CEP128: variants seen among roughly 807,000 people sequenced by gnomAD.
The protein encoded by CEP128 is centrosomal protein 128kDa.
In CEP128, 132 loss-of-function variants were observed where a neutral mutation model predicts 156.7. The observed-to-expected ratio is 0.84, with a 90% CI of 0.73 to 0.97. The LOEUF (loss-of-function observed/expected upper bound fraction) is 0.97. Ranked by LOEUF, CEP128 falls within the 50% of genes least tolerant of loss-of-function variation. The pLI is 0.00. For missense variants in CEP128, 1,252 were observed against 1,281.9 expected (o/e 0.98, Z 0.36); for synonymous variants, 469 against 448.9 (o/e 1.04, Z -0.57).
chr14:80,867,956 C>T (rs1264385492), intron 8 of CEP128, among the ~76,000 whole-genome samples: 1 of 151,988 alleles, frequency 6.6e-6, no homozygotes, highest in Non-Finnish European at 1.5e-5. Context: ...ATGCCGAAAG[C>T]AGCATGAGAG....
upstream of CEP128, among the ~76,000 whole-genome samples, chr14:80,943,763 G>C (rs1433989718): frequency 6.6e-6 from 1 of 152,186 alleles, no homozygotes; most frequent in Non-Finnish European, 1.5e-5. Flanking sequence ...GGAGGCTGAG[G>C]TGGGTGGATC....
chr14:80,769,312 G>A (rs1900396621), intron 16 of CEP128, among the ~76,000 whole-genome samples: 1 of 150,230 alleles, frequency 6.7e-6, no homozygotes, highest in African/African-American at 2.5e-5. Context: ...AAGTTCTAGG[G>A]TACATGTGCA....
chr14:80,704,411 T>C (rs904023820), intron 19 of CEP128, among the ~76,000 whole-genome samples: 24 of 152,056 alleles, frequency 1.6e-4, no homozygotes, highest in African/African-American at 5.8e-4. Context: ...GAGTGTAAAA[T>C]GAATGAAATG....
chr14:80,823,015 T>C (rs530251369), intron 13 of CEP128, among the ~76,000 whole-genome samples: 4 of 152,344 alleles, frequency 2.6e-5, no homozygotes, highest in Non-Finnish European at 5.9e-5. Context: ...CTTTCCCTTC[T>C]GGTTTTGAGA....
intron 19 of CEP128, among the ~76,000 whole-genome samples, chr14:80,706,427 G>A (rs886387509): frequency 2.0e-5 from 3 of 151,944 alleles, no homozygotes; most frequent in African/African-American, 4.8e-5. Context: ...GTACTCGTGT[G>A]TGTGTGTGTG....
chr14:80,754,668 T>C (rs1278829073), intron 18 of CEP128, among the ~76,000 whole-genome samples: 2 of 151,908 alleles, frequency 1.3e-5, no homozygotes, highest in Non-Finnish European at 2.9e-5. Context: ...TTCACCGTGT[T>C]AGCTAGGATG....
chr14:80,726,903 G>A (rs78025276), intron 19 of CEP128, among the ~76,000 whole-genome samples: 9,073 of 152,188 alleles, frequency 0.06, 323 homozygotes, highest in Middle Eastern at 0.099. Context: ...TTGAGAACTG[G>A]AAATTTTAAA....
intron 17 of CEP128, among the ~76,000 whole-genome samples, chr14:80,759,787 T>C (rs1467738457): frequency 1.3e-5 from 2 of 152,030 alleles, no homozygotes; most frequent in African/African-American, 4.8e-5. Context: ...GAAGGATAAT[T>C]TGTGACTCAT....
intron 19 of CEP128, among the ~76,000 whole-genome samples, chr14:80,695,916 G>A (rs570646417): frequency 5.1e-4 from 77 of 152,036 alleles, no homozygotes; most frequent in African/African-American, 1.8e-3. Flanking sequence ...TTTTAAGCAG[G>A]GGTAAACATC....
chr14:80,787,642 C>G (rs1416227833), intron 14 of CEP128, among the ~76,000 whole-genome samples: 1 of 151,986 alleles, frequency 6.6e-6, no homozygotes, highest in Non-Finnish European at 1.5e-5. Context: ...CAAATTTGGG[C>G]TGTAAAGATA....
At chr14:80,486,359 T>C (rs897737991), downstream of CEP128, among the ~76,000 whole-genome samples, 1 of 151,936 alleles carries the variant, frequency 6.6e-6, no homozygotes, top group Non-Finnish European at 1.5e-5. Context: ...CCAAGAAATA[T>C]GGGACTATGT....
In CEP128 at chr14:80,939,467, C is replaced by T. The variant is rs965660523; in HGVS notation, c.-98G>A. 1 of 152,312 alleles carries T rather than the reference C, an allele frequency of 6.6e-6. No homozygotes were observed. Among genetic ancestry groups the T allele is most frequent in the South Asian group, 2.1e-4 (1 of 4,824 alleles). 9.4% of individuals were successfully genotyped at this position (152,312 alleles called of 1,614,324 possible). ...CACATATGTCTGCCTCCTATCATTT[C>T]TTCATGAGGTTCAGGGCAAAGGGCC... On this transcript the variant is annotated 5_prime_UTR_variant, in exon 2 of 25. Transcript: ENST00000555265.
intron 19 of CEP128, among the ~76,000 whole-genome samples, chr14:80,734,973 C>T (rs1159699988): frequency 6.6e-6 from 1 of 151,566 alleles, no homozygotes; most frequent in Non-Finnish European, 1.5e-5. Flanking sequence ...CAAGCAGTTT[C>T]TGTGTTCCAT....
intron 19 of CEP128, among the ~76,000 whole-genome samples, chr14:80,612,069 AAAT>A (rs1893015042): frequency 6.6e-6 from 1 of 152,144 alleles, no homozygotes; most frequent in African/African-American, 2.4e-5. Flanking sequence ...AAAAAATAAA[AAAT>A]AAATAAATAA....
intron 22 of CEP128, among the ~76,000 whole-genome samples, chr14:80,528,699 C>T (rs1379987202): frequency 6.6e-6 from 1 of 152,210 alleles, no homozygotes; most frequent in African/African-American, 2.4e-5. Context: ...ATGGTACTAT[C>T]AAGAAATACG....
intron 2 of CEP128, among the ~76,000 whole-genome samples, chr14:80,923,594 G>A (rs1469191110): frequency 6.6e-6 from 1 of 152,200 alleles, no homozygotes; most frequent in African/African-American, 2.4e-5. Context: ...TTAAGTAGGT[G>A]ATTGCTTCTG....
rs766895052 is a variant in CEP128 at position 80,761,581 on chromosome 14, T to G, written c.2409A>C (p.Leu803Phe). 3.1e-6 allele frequency: 5 copies of G among 1,610,106 alleles called. No homozygotes were observed. In the Admixed American group the frequency reaches 8.4e-5, roughly 27 times the overall value. Residue 803 changes from leucine (L) to phenylalanine (F), a missense_variant, in exon 17 of 25, where the codon TTA becomes TTC. Leu to Phe is a conservative substitution (Grantham distance 22, BLOSUM62 0). Coordinates refer to ENST00000555265, the MANE Select transcript of CEP128 (RefSeq NM_152446.5). ...GCAATCTGGCCTCTTCCATCCTCCT[T>G]AAGTGCTCCTCTTCAATGCTTATAT... is the stretch of plus-strand genomic sequence containing the variant. Reference protein sequence around the residue: ...EKHISIEEEHLRRMEEARLQL... With the variant: ...EKHISIEEEHFRRMEEARLQL...
intron 7 of CEP128, among the ~76,000 whole-genome samples, chr14:80,899,135 T>A (rs1051403290): frequency 3.9e-5 from 6 of 152,180 alleles, no homozygotes; most frequent in Non-Finnish European, 1.5e-5. Context: ...AATTTTTCAT[T>A]CTCATTACAG....
At chr14:80,786,675 T>C (rs935841643) in intron 14 of CEP128, among the ~76,000 whole-genome samples, 1 of 152,194 alleles carries the variant, frequency 6.6e-6, no homozygotes, top group African/African-American at 2.4e-5. Context: ...TCATTTCTCT[T>C]ACTAGAGAAA....
Sources: allele counts gnomAD v4.1 joint callset (sites outside exome capture counted in the v4.1 genomes callset), GRCh38; gene constraint gnomAD v4.1.1; transcripts MANE v1.5; gene names NCBI Gene and HGNC (gene_info 2026-07-23, HGNC 2026-07-21).